The following RYR2 variants were observed in gnomAD, a reference collection of about 807,000 sequenced individuals.
RYR2 encodes ryanodine receptor 2, also known as cardiac muscle ryanodine receptor-calcium release channel.
In RYR2, 227 loss-of-function variants were observed where a neutral mutation model predicts 601.1. That is an observed-to-expected ratio of 0.38 (90% CI 0.34 to 0.42). The LOEUF (loss-of-function observed/expected upper bound fraction) is 0.42. Ranked by LOEUF, RYR2 falls within the 10% of genes least tolerant of loss-of-function variation. RYR2 has a pLI of 1.00. For synonymous variants in RYR2, 2,223 were observed against 2,175.1 expected (o/e 1.02, Z -0.61); for missense variants, 4,646 against 6,156.5 (o/e 0.75, Z 8.21).
intron 1 of RYR2, among the ~76,000 whole-genome samples, chr1:237,054,330 CCT>C (rs1661699775): frequency 7.0e-6 from 1 of 142,484 alleles, no homozygotes; most frequent in African/African-American, 2.6e-5. Context: ...CCGCCTCCCC[CCT>C]CCCCCCCTCC....
chr1:237,482,208 G>A (rs976452579), intron 17 of RYR2, among the ~76,000 whole-genome samples: 1 of 151,992 alleles, frequency 6.6e-6, no homozygotes, highest in Non-Finnish European at 1.5e-5. Context: ...CGTTCTTTAA[G>A]TTAAAGAGTT....
At chr1:237,151,803 G>T (rs1207523394) in intron 1 of RYR2, among the ~76,000 whole-genome samples, 5 of 152,136 alleles carry the variant, frequency 3.3e-5, no homozygotes, top group Non-Finnish European at 7.4e-5. Flanking sequence ...AAGCAGTGGG[G>T]TGTGGCATGG....
At chr1:237,775,067 A>G (rs1694550695) in intron 87 of RYR2, among the ~76,000 whole-genome samples, 1 of 140,856 alleles carries the variant, frequency 7.1e-6, no homozygotes, top group Non-Finnish European at 1.5e-5. Context: ...GCTTGGTTCA[A>G]TAAGAACCAA....
intron 76 of RYR2, among the ~76,000 whole-genome samples, chr1:237,729,395 A>G (rs1465431812): frequency 6.6e-6 from 1 of 152,184 alleles, no homozygotes; most frequent in African/African-American, 2.4e-5. Context: ...CCACTCTCAC[A>G]TACAAGAATG....
chr1:237,354,816 A>G (rs979137759), intron 3 of RYR2, among the ~76,000 whole-genome samples: 4 of 152,200 alleles, frequency 2.6e-5, no homozygotes, highest in African/African-American at 9.6e-5. Context: ...CAAAGGAGGA[A>G]GTAAGTTTAG....
In RYR2 at chr1:237,705,334, G is replaced by C. The variant is rs1251334000; in HGVS notation, c.9571G>C (p.Glu3191Gln). ...CATCTACAATACCAAGTCTTCACGA[G>C]AAAGAGCAGGTAACACAGAAACATG... ...YSIYNTKSSR[E>Q]RAALSLPTNV... The change falls in exon 67 of 105, where the codon GAA becomes CAA. Residue 3191 changes from glutamate (E) to glutamine (Q), a missense_variant. Physicochemically the swap from Glu to Gln is conservative, Grantham distance 29 (BLOSUM62 2). This residue lies in a region of RYR2 where 1,497 missense variants were observed against 1,842.6 expected (regional missense o/e 0.81). Transcript: ENST00000366574. The C allele has an allele frequency of 3.1e-6, 5 of 1,604,200 alleles. No homozygotes were observed. The highest frequency in any genetic ancestry group is 4.3e-6 in the Non-Finnish European group (5 of 1,174,568).
At chr1:237,483,421 A>G (rs1662336563) in intron 17 of RYR2, among the ~76,000 whole-genome samples, 1 of 152,170 alleles carries the variant, frequency 6.6e-6, no homozygotes, top group Non-Finnish European at 1.5e-5. Flanking sequence ...CCATTATTAC[A>G]TCCATTTCAT....
intron 12 of RYR2, among the ~76,000 whole-genome samples, chr1:237,428,998 T>C (rs942351213): frequency 1.3e-5 from 2 of 151,658 alleles, no homozygotes; most frequent in African/African-American, 4.8e-5. Flanking sequence ...GCAGAAGCCC[T>C]ACCCTTAATT....
intron 5 of RYR2, among the ~76,000 whole-genome samples, chr1:237,366,290 T>C (rs1370665812): frequency 6.6e-6 from 1 of 152,242 alleles, no homozygotes; most frequent in African/African-American, 2.4e-5. Context: ...CCATGTCAAA[T>C]GGATGTCTTG....
chr1:237,721,671 AC>A (rs776330537), intron 73 of RYR2, among the ~76,000 whole-genome samples: 4 of 152,076 alleles, frequency 2.6e-5, no homozygotes, highest in African/African-American at 4.8e-5. Context: ...GGCGTGCACC[AC>A]CACACCCAGC....
At chr1:237,099,011 C>T (rs966377595) in intron 1 of RYR2, among the ~76,000 whole-genome samples, 5 of 152,202 alleles carry the variant, frequency 3.3e-5, no homozygotes, top group Admixed American at 6.5e-5. Flanking sequence ...ACAACCACTG[C>T]GCTTCTCACC....
At chr1:237,418,662 T>C (rs79686138) in intron 11 of RYR2, among the ~76,000 whole-genome samples, 1 of 152,162 alleles carries the variant, frequency 6.6e-6, no homozygotes, top group South Asian at 2.1e-4. Context: ...TGGTCTTCTT[T>C]AACAATAAAA....
chr1:237,182,102 G>GGTTTATTT (rs1385631914), intron 1 of RYR2, among the ~76,000 whole-genome samples: 5 of 79,942 alleles, frequency 6.3e-5, no homozygotes, highest in Admixed American at 1.7e-4. Flanking sequence ...AACTCCCTGG[G>GGTTTATTT]GTTTATTTAT....
At chr1:237,169,867 A>AT (rs958057052) in intron 1 of RYR2, among the ~76,000 whole-genome samples, 18 of 151,772 alleles carry the variant, frequency 1.2e-4, no homozygotes, top group African/African-American at 4.3e-4. Context: ...ATCTTTTATG[A>AT]TTTTTTCGTG....
intron 10 of RYR2, among the ~76,000 whole-genome samples, chr1:237,388,464 A>G (rs1702121807): frequency 6.6e-6 from 1 of 152,256 alleles, no homozygotes; most frequent in Non-Finnish European, 1.5e-5. Flanking sequence ...ACCACATTGC[A>G]TTAAACTACT....
intron 99 of RYR2, among the ~76,000 whole-genome samples, chr1:237,808,307 T>TTTA (rs1660864873): frequency 6.6e-6 from 1 of 152,176 alleles, no homozygotes; most frequent in Non-Finnish European, 1.5e-5. Flanking sequence ...TAATTTACAG[T>TTTA]CATAACAAAA....
rs1681768739 is a variant in RYR2, at chr1:237,643,332, T to C, written c.7227T>C (p.Ile2409=). The stretch of plus-strand genomic sequence containing the variant: ...TTTTTTTTTCCCCTGTATAGTTGAT[T>C]CATGCCGGGAAGGGAGAAGCCATCA... ...LGRCAPEMHL[I]HAGKGEAIRI... is the part of the protein sequence containing the mutation. The change falls in exon 48 of 105, where the codon ATT becomes ATC. Residue 2409 remains isoleucine (I), a synonymous_variant. Transcript: ENST00000366574. The C allele has an allele frequency of 6.2e-7, 1 of 1,613,738 alleles. No individual in the cohort carries two copies. The highest frequency in any genetic ancestry group is 8.5e-7 in the Non-Finnish European group (1 of 1,179,736).
intron 1 of RYR2, among the ~76,000 whole-genome samples, chr1:237,075,233 T>G (rs1420934512): frequency 6.6e-6 from 1 of 152,084 alleles, no homozygotes; most frequent in Non-Finnish European, 1.5e-5. Flanking sequence ...GGGAAAAATA[T>G]GAGAAGAAAG....
Position 237,180,393 on chromosome 1 carries a change from G to C in RYR2, c.49-90104G>C. 6.6e-6 allele frequency among the ~76,000 whole-genome samples: 1 copy of C among 152,114 alleles called. No individual in the cohort carries two copies. Among genetic ancestry groups the C allele is most frequent in the Middle Eastern group, 3.4e-3 (1 of 294 alleles). ...CACATTTTCCCAGTGATTTGGGCCT[G>C]ATTTATCTCTTGATTGCTCTCTGGT... On this transcript the variant is annotated intron_variant, in intron 1 of 104. Transcript: ENST00000366574. This position sits in a 1 kb window ranked among gnomAD's most constrained non-coding sequence, Gnocchi z 5.3.
Sources: gnomAD v4.1 joint callset for allele counts (sites outside exome capture counted in the v4.1 genomes callset) on GRCh38, gnomAD v4.1.1 for gene constraint, gnomAD v4.1.1 regional missense constraint, Gnocchi (gnomAD v3.1) non-coding constraint, MANE v1.5 for transcripts, NCBI Gene and HGNC (gene_info 2026-07-23, HGNC 2026-07-21) for gene names.